COPG1: variants seen among roughly 807,000 people sequenced by gnomAD.
COPG1 encodes the protein coat protein complex I subunit gamma 1.
In COPG1, 29 loss-of-function variants were observed where a neutral mutation model predicts 102.8. The observed-to-expected ratio is 0.28, with a 90% CI of 0.21 to 0.38. The LOEUF is 0.38. Among genes scored for constraint, COPG1 ranks in the 10% least tolerant of loss-of-function variants. COPG1 has a pLI of 1.00. For missense variants in COPG1, 875 were observed against 1,132.7 expected (o/e 0.77, Z 3.27); for synonymous variants, 406 against 421.6 (o/e 0.96, Z 0.45).
At chr3:129,254,051 C>A (rs1939752056) in intron 5 of COPG1, among the ~76,000 whole-genome samples, 1 of 149,344 alleles carries the variant, frequency 6.7e-6, no homozygotes, top group African/African-American at 2.5e-5. Context: ...GTAATCCCAG[C>A]AGTTTGGGAG....
rs766752287 is a variant in COPG1, at chr3:129,252,885, C to T, written c.253C>T (p.Arg85Cys). 8 of 1,614,128 alleles carry T rather than the reference C, an allele frequency of 5.0e-6. No homozygotes were observed. Among genetic ancestry groups the T allele is most frequent in the East Asian group, 2.2e-5 (1 of 44,884 alleles). Residue 85 changes from arginine (R) to cysteine (C), a missense_variant, in exon 5 of 24, where the codon CGT (arginine) becomes TGT (cysteine). By Grantham distance (180) the Arg-to-Cys change is radical. Transcript: ENST00000314797. ...CCCACCTATCTCCCAGCCCACACTCCGTCGGATGTGCTACTTGACCATCAA... is the reference window on the plus strand; with the variant it reads ...CCCACCTATCTCCCAGCCCACACTCTGTCGGATGTGCTACTTGACCATCAA... ...KLFQSNDPTL[R>C]RMCYLTIKEM...
chr3:129,252,615 T>C lies in COPG1; in HGVS notation c.172-8T>C, dbSNP rs935685497. 1.2e-6 allele frequency: 2 copies of C among 1,612,914 alleles called. No individual in the cohort carries two copies. The highest frequency in any genetic ancestry group is 3.3e-5 in the Admixed American group (2 of 60,008). ...CCCAAGCTGAGACTTCTTTCTTGAT[T>C]AACACAGGGGGAGCACCTGGGGACC... On this transcript the variant is annotated splice_region_variant and splice_polypyrimidine_tract_variant and intron_variant, in intron 3 of 23. Coordinates refer to ENST00000314797, the MANE Select transcript of COPG1 (RefSeq NM_016128.4).
At chr3:129,250,656 A>C (rs1454527873) in intron 1 of COPG1, 26 bp from the exon 2 acceptor site, 2 of 1,606,952 alleles carry the variant, frequency 1.2e-6, no homozygotes, top group East Asian at 4.5e-5. Flanking sequence ...GTCACAACCT[A>C]CCTTCTCCAT....
rs920762884 is a variant in COPG1 at position 129,271,311 on chromosome 3, A to G, written c.1844-456A>G. On this transcript the variant is annotated intron_variant, in intron 18 of 23. Transcript: ENST00000314797. The surrounding 1 kb of genome is among the most constrained non-coding windows in gnomAD (Gnocchi z 4.7). Reference sequence around the variant, plus strand: ...ATTCTGAAATATCTCTTTATTGGCCATTTGTCTTAACTGATAAATATATAG... The same window carrying G: ...ATTCTGAAATATCTCTTTATTGGCCGTTTGTCTTAACTGATAAATATATAG... Among the ~76,000 whole-genome samples, 3 of 152,128 alleles carry G rather than the reference A, an allele frequency of 2.0e-5. No individual in the cohort carries two copies. Among genetic ancestry groups the G allele is most frequent in the Non-Finnish European group, 4.4e-5 (3 of 68,030 alleles).
chr3:129,257,228 A>G (rs1236929159), intron 8 of COPG1, among the ~76,000 whole-genome samples: 4 of 152,174 alleles, frequency 2.6e-5, no homozygotes. Context: ...GCTACCTGTT[A>G]GGGCTCTTGC....
In COPG1 at chr3:129,256,054, C is replaced by A; in HGVS notation, c.493-14C>A. ...ACTTCCTACCTGCCCCTTAATGTGT[C>A]CTGTTGCCCACAGCACCTGCTGAAG... On this transcript the variant is annotated splice_polypyrimidine_tract_variant and intron_variant, in intron 7 of 23. Transcript: ENST00000314797. The A allele has an allele frequency of 6.2e-7, 1 of 1,612,464 alleles. No individual in the cohort carries two copies. The highest frequency in any genetic ancestry group is 1.1e-5 in the South Asian group (1 of 90,980).
chr3:129,269,089 C>T (rs1277853413), intron 18 of COPG1, 89 bp downstream of exon 18: 5 of 1,161,212 alleles, frequency 4.3e-6, no homozygotes, highest in East Asian at 4.7e-5. Context: ...ATTGGTCTCT[C>T]CTGAGTGCTA....
chr3:129,257,530 A>T lies in COPG1; in HGVS notation c.640A>T (p.Met214Leu). 5 of 1,614,212 alleles carry T rather than the reference A, an allele frequency of 3.1e-6. No homozygotes were observed. Among genetic ancestry groups the T allele is most frequent in the Non-Finnish European group, 4.2e-6 (5 of 1,180,048 alleles). ...RKNDRLAVNK[M>L]ISKVTRHGLK... is the part of the protein sequence containing the mutation. ...GAATGACCGCCTAGCCGTCAATAAGATGATCAGCAAGGTCACACGGCATGG... is the reference window on the plus strand; with the variant it reads ...GAATGACCGCCTAGCCGTCAATAAGTTGATCAGCAAGGTCACACGGCATGG... The change falls in exon 9 of 24, where the codon ATG (methionine) becomes TTG (leucine). Residue 214 changes from methionine to leucine, a missense_variant. Transcript: ENST00000314797.
Position 129,250,717 on chromosome 3 carries a change from A to G in COPG1, c.73A>G (p.Ser25Gly). Residue 25 changes from serine to glycine, a missense_variant, in exon 2 of 24, where the codon AGT (serine) becomes GGT (glycine). Physicochemically the swap from Ser to Gly is moderately conservative, Grantham distance 56. Transcript: ENST00000314797. Reference protein sequence around the residue: ...GSNPFQHLEKSAVLQEARVFN... With the variant: ...GSNPFQHLEKGAVLQEARVFN... ...CAACCCATTCCAGCACCTTGAGAAG[A>G]GTGCGGTACTCCAGGAGGCAAGTGA... 1 of 1,613,986 alleles carries G rather than the reference A, an allele frequency of 6.2e-7. No homozygotes were observed. The highest frequency in any genetic ancestry group is 8.5e-7 in the Non-Finnish European group (1 of 1,179,960).
intron 2 of COPG1, among the ~76,000 whole-genome samples, chr3:129,251,603 T>A (rs1303251811): frequency 1.3e-5 from 2 of 150,614 alleles, no homozygotes; most frequent in Non-Finnish European, 3.0e-5. Flanking sequence ...GGCAGGAGAA[T>A]GGTGTGAATC....
chr3:129,273,463 A>G (rs1560068591), intron 21 of COPG1, among the ~76,000 whole-genome samples: 1 of 152,272 alleles, frequency 6.6e-6, no homozygotes, highest in South Asian at 2.1e-4. Flanking sequence ...TTTGGGGGGA[A>G]GTGGTATAAT....
intron 7 of COPG1, 93 bp from the exon 8 acceptor site, chr3:129,255,975 C>T (rs1939800840): frequency 1.8e-6 from 2 of 1,088,682 alleles, no homozygotes; most frequent in African/African-American, 1.5e-5. Flanking sequence ...TGGCGAGCCC[C>T]TGAGCTGTGT....
At chr3:129,268,906 A>G (rs1940124357) in intron 17 of COPG1, 26 bp from the exon 18 acceptor site, 2 of 1,605,578 alleles carry the variant, frequency 1.2e-6, no homozygotes, top group Non-Finnish European at 1.7e-6. Flanking sequence ...GCTGTTGGTC[A>G]TCACGTGTAT....
At position 129,267,021 on chromosome 3, in the gene COPG1, C is replaced by T. The variant is rs972458947; in HGVS notation, c.1469-3C>T. 6 of 1,613,192 alleles carry T rather than the reference C, an allele frequency of 3.7e-6. No homozygotes were observed. The African/African-American group carries it at 6.7e-5, about 18-fold the overall frequency. On this transcript the variant is annotated splice_region_variant and splice_polypyrimidine_tract_variant and intron_variant, in intron 14 of 23. Transcript: ENST00000314797. The stretch of plus-strand genomic sequence containing the variant: ...GTAAATCACATTCGCTTCCTAAACA[C>T]AGGTGCTGTGAGTGCTCTGGCGAAG...
At chr3:129,269,776 A>G (rs1940150770) in intron 18 of COPG1, among the ~76,000 whole-genome samples, 1 of 151,998 alleles carries the variant, frequency 6.6e-6, no homozygotes, top group South Asian at 2.1e-4. Flanking sequence ...CTTTCCATTT[A>G]TATCAGTTTT....
intron 2 of COPG1, 83 bp downstream of exon 2, chr3:129,250,817 T>C: frequency 7.7e-7 from 1 of 1,291,308 alleles, no homozygotes; most frequent in Non-Finnish European, 1.1e-6. Flanking sequence ...TTCAAAGTGT[T>C]GTTTTAAAGA....
Position 129,271,253 on chromosome 3 carries a change from A to G in COPG1, c.1844-514A>G, listed in dbSNP as rs1028677252. Reference sequence around the variant, plus strand: ...TAGGGATAGGTCTTACCAGACACAAACAATTCTAAGTTAGGTTTTCTGCAA... The same window carrying G: ...TAGGGATAGGTCTTACCAGACACAAGCAATTCTAAGTTAGGTTTTCTGCAA... On this transcript the variant is annotated intron_variant, in intron 18 of 23. Transcript: ENST00000314797. This position sits in a 1 kb window ranked among gnomAD's most constrained non-coding sequence, Gnocchi z 4.7. 2.6e-5 allele frequency among the ~76,000 whole-genome samples: 4 copies of G among 152,178 alleles called. No individual in the cohort carries two copies. The highest frequency in any genetic ancestry group is 6.5e-5 in the Admixed American group (1 of 15,278).
At chr3:129,270,275 G>A (rs1452668958) in intron 18 of COPG1, among the ~76,000 whole-genome samples, 1 of 151,982 alleles carries the variant, frequency 6.6e-6, no homozygotes, top group African/African-American at 2.4e-5. Context: ...AGTCTCCTAA[G>A]CCGCTTAAAG....
In COPG1 at chr3:129,254,057, G is replaced by A. The variant is rs1334790250; in HGVS notation, c.324-611G>A. On this transcript the variant is annotated intron_variant, in intron 5 of 23. Transcript: ENST00000314797. ...CTCATGCCTGTAATCCCAGCAGTTT[G>A]GGAGGCCGAGGCGGGTGGATCACAA... 3.3e-5 allele frequency among the ~76,000 whole-genome samples: 5 copies of A among 151,250 alleles called. 1 individual carries two copies. The highest frequency in any genetic ancestry group is 2.0e-4 in the Admixed American group (3 of 15,206).
Sources: allele counts gnomAD v4.1 joint callset (sites outside exome capture counted in the v4.1 genomes callset), GRCh38; gene constraint gnomAD v4.1.1; non-coding constraint Gnocchi (gnomAD v3.1); transcripts MANE v1.5; gene names NCBI Gene and HGNC (gene_info 2026-07-23, HGNC 2026-07-21).